TSPAN9: variants seen among roughly 807,000 people sequenced by gnomAD.
The protein encoded by TSPAN9 is tetraspanin-9.
TSPAN9 carries 16 observed loss-of-function variants against 31.0 expected under a neutral mutation model. The observed-to-expected ratio is 0.52, with a 90% CI of 0.35 to 0.78. The LOEUF is 0.78. TSPAN9 is among the 30% of genes least tolerant of loss of function. The pLI is 0.01. For missense variants in TSPAN9, 272 were observed against 312.5 expected, an observed-to-expected ratio of 0.87 and a Z score of 0.98; for synonymous variants, 145 against 121.6, an observed-to-expected ratio of 1.19 and a Z score of -1.27.
At chr12:3,275,793 AAGGACCC>A (rs1394603107) in intron 3 of TSPAN9, among the ~76,000 whole-genome samples, 1 of 152,152 alleles carries the variant, frequency 6.6e-6, no homozygotes, top group African/African-American at 2.4e-5. Context: ...CCACAGTGTG[AAGGACCC>A]AGGCAGCTGC....
At chr12:3,084,950 C>T (rs1415618029) in intron 2 of TSPAN9, among the ~76,000 whole-genome samples, 2 of 152,232 alleles carry the variant, frequency 1.3e-5, no homozygotes, top group Non-Finnish European at 1.5e-5. Flanking sequence ...TTTAAGTCCT[C>T]CTCCCGCCTC....
chr12:3,174,232 T>G (rs1458725598), intron 2 of TSPAN9, among the ~76,000 whole-genome samples: 1 of 152,058 alleles, frequency 6.6e-6, no homozygotes, highest in Non-Finnish European at 1.5e-5. Flanking sequence ...CATACCTGGC[T>G]AGTTTTTTAG....
At chr12:3,116,239 A>T (rs1340465796) in intron 2 of TSPAN9, among the ~76,000 whole-genome samples, 1 of 152,210 alleles carries the variant, frequency 6.6e-6, no homozygotes, top group African/African-American at 2.4e-5. Flanking sequence ...ATAGCAGATC[A>T]GGATGCAGGC....
At chr12:3,278,749 A>G in intron 4 of TSPAN9, 137 bp downstream of exon 4, 4 of 1,235,418 alleles carry the variant, frequency 3.2e-6, no homozygotes, top group Non-Finnish European at 4.4e-6. Context: ...AGAACGTTCT[A>G]GGCTTGACCA....
In TSPAN9 at chr12:3,143,581, A is replaced by AT. The variant is rs2098335851; in HGVS notation, c.-17-57595dup. Among the ~76,000 whole-genome samples the AT allele has an allele frequency of 6.6e-6, 1 of 152,208 alleles. No individual in the cohort carries two copies. The highest frequency in any genetic ancestry group is 1.9e-4 in the East Asian group (1 of 5,204). On this transcript the variant is annotated intron_variant, in intron 2 of 8. Transcript: ENST00000011898. This position sits in a 1 kb window ranked among gnomAD's most constrained non-coding sequence, Gnocchi z 4.2. ...TCATGGATATTTATTTACTTCACAG[A>AT]TAAAAAGTATAAATGTATGGATATA...
chr12:3,093,757 C>T (rs555076201), intron 2 of TSPAN9, among the ~76,000 whole-genome samples: 2 of 152,312 alleles, frequency 1.3e-5, no homozygotes, highest in East Asian at 3.9e-4. Flanking sequence ...TCTTCACTAG[C>T]TTGGCCAGCT....
At chr12:3,268,132 C>T (rs1237586176) in intron 3 of TSPAN9, among the ~76,000 whole-genome samples, 4 of 148,506 alleles carry the variant, frequency 2.7e-5, no homozygotes, top group Admixed American at 6.9e-5. Context: ...ATGCCTATTC[C>T]GTAGGTGCTG....
chr12:3,086,445 T>C (rs1475359333), intron 2 of TSPAN9, among the ~76,000 whole-genome samples: 1 of 152,160 alleles, frequency 6.6e-6, no homozygotes, highest in East Asian at 1.9e-4. Flanking sequence ...AAATTGATGA[T>C]ACTTTGAATA....
intron 2 of TSPAN9, among the ~76,000 whole-genome samples, chr12:3,188,050 A>C (rs183037032): frequency 6.6e-6 from 1 of 152,144 alleles, no homozygotes; most frequent in Non-Finnish European, 1.5e-5. Flanking sequence ...TCATCAGCAT[A>C]GGTGTCTCGC....
intron 3 of TSPAN9, among the ~76,000 whole-genome samples, chr12:3,203,804 A>T (rs767265816): frequency 6.6e-6 from 1 of 152,184 alleles, no homozygotes; most frequent in African/African-American, 2.4e-5. Flanking sequence ...AGTGTTTGCC[A>T]CTGTGTTTAT....
chr12:3,142,695 C>T (rs1374899763), intron 2 of TSPAN9, among the ~76,000 whole-genome samples: 2 of 152,144 alleles, frequency 1.3e-5, no homozygotes, highest in Non-Finnish European at 2.9e-5. Context: ...CGGGTGCCTG[C>T]GGTGCGTATC....
intron 3 of TSPAN9, among the ~76,000 whole-genome samples, chr12:3,244,430 A>G (rs1205743356): frequency 6.6e-6 from 1 of 152,172 alleles, no homozygotes; most frequent in Non-Finnish European, 1.5e-5. Context: ...CCATGTCCTT[A>G]TTCTCTGCCA....
intron 2 of TSPAN9, among the ~76,000 whole-genome samples, chr12:3,159,385 C>T (rs1201889894): frequency 6.6e-6 from 1 of 152,082 alleles, no homozygotes; most frequent in Non-Finnish European, 1.5e-5. Context: ...AACAGTTTTC[C>T]TGAGATATAA....
chr12:3,186,922 G>A (rs965565297), intron 2 of TSPAN9, among the ~76,000 whole-genome samples: 14 of 152,156 alleles, frequency 9.2e-5, no homozygotes, highest in African/African-American at 2.9e-4. Flanking sequence ...GTTGTTTGCT[G>A]GAGCCTACTT....
intron 2 of TSPAN9, among the ~76,000 whole-genome samples, chr12:3,129,843 C>T (rs117474333): frequency 6.6e-6 from 1 of 152,298 alleles, no homozygotes; most frequent in Non-Finnish European, 1.5e-5. Context: ...TCCCTGGGGC[C>T]AGCTGTCCCT....
At chr12:3,269,733 G>A (rs1241982359) in intron 3 of TSPAN9, among the ~76,000 whole-genome samples, 1 of 152,232 alleles carries the variant, frequency 6.6e-6, no homozygotes, top group Non-Finnish European at 1.5e-5. Flanking sequence ...TGCACGGGCT[G>A]GTAGGAGCTT....
intron 2 of TSPAN9, among the ~76,000 whole-genome samples, chr12:3,134,749 C>T (rs2098331288): frequency 6.6e-6 from 1 of 152,138 alleles, no homozygotes; most frequent in Non-Finnish European, 1.5e-5. Flanking sequence ...GCCAGCTGCT[C>T]TGCTGGTGAA....
intron 2 of TSPAN9, chr12:3,151,476 C>T (rs1404436340): frequency 3.3e-5 from 5 of 152,234 alleles, no homozygotes; most frequent in African/African-American, 1.2e-4. Context: ...GGCTGCCTGC[C>T]ACCAGCCTTC....
intron 3 of TSPAN9, among the ~76,000 whole-genome samples, chr12:3,237,274 G>C (rs2098394272): frequency 8.5e-6 from 1 of 117,678 alleles, no homozygotes; most frequent in Admixed American, 8.9e-5. Flanking sequence ...CCATCACACA[G>C]ATATTCCTGG....
Sources: gnomAD v4.1 joint callset for allele counts (sites outside exome capture counted in the v4.1 genomes callset) on GRCh38, gnomAD v4.1.1 for gene constraint, Gnocchi (gnomAD v3.1) non-coding constraint, MANE v1.5 for transcripts, NCBI Gene and HGNC (gene_info 2026-07-23, HGNC 2026-07-21) for gene names.